The following PANK1 variants were observed in gnomAD, a reference collection of about 807,000 sequenced individuals.
The protein encoded by PANK1 is pantothenic acid kinase 1.
In PANK1, 18 loss-of-function variants were observed where a neutral mutation model predicts 40.1. The ratio of observed to expected loss-of-function variants is 0.45; its 90% CI spans 0.31 to 0.67. The LOEUF (loss-of-function observed/expected upper bound fraction) is 0.67. PANK1 is among the 30% of genes least tolerant of loss of function. The pLI, the probability that PANK1 is intolerant of heterozygous loss-of-function variation, is 0.06. For missense variants in PANK1, 457 were observed against 599.6 expected (o/e 0.76, Z 2.48); for synonymous variants, 242 against 237.7 (o/e 1.02, Z -0.17).
chr10:89,609,316 A>C (rs1034324177), intron 2 of PANK1, among the ~76,000 whole-genome samples: 9 of 152,184 alleles, frequency 5.9e-5, no homozygotes, highest in Non-Finnish European at 2.9e-5. Context: ...CACCCGCCTC[A>C]ACCTTCCAAA....
chr10:89,640,997 AATT>A (rs1297510988), intron 1 of PANK1, among the ~76,000 whole-genome samples: 1 of 152,190 alleles, frequency 6.6e-6, no homozygotes, highest in Non-Finnish European at 1.5e-5. Context: ...TTGGGCCTTA[AATT>A]ATTAATCATC....
At chr10:89,608,421 C>T (rs1845045001) in intron 2 of PANK1, among the ~76,000 whole-genome samples, 1 of 152,080 alleles carries the variant, frequency 6.6e-6, no homozygotes, top group African/African-American at 2.4e-5. Context: ...AAAGGAGGAA[C>T]AAAGTGCAGA....
chr10:89,584,197 A>C lies in PANK1; in HGVS notation c.*209T>G. The C allele has an allele frequency of 2.0e-6, 1 of 495,032 alleles. No individual in the cohort carries two copies. The highest frequency in any genetic ancestry group is 4.1e-5 in the South Asian group (1 of 24,340). The allele number at this position is 495,032 out of a possible 1,614,324, so 30.7% of individuals were successfully genotyped here. On this transcript the variant is annotated 3_prime_UTR_variant, in exon 7 of 7. Coordinates refer to ENST00000307534, the MANE Select transcript of PANK1 (RefSeq NM_148977.3). ...TTTAAAAAAATACAGTATACAGAAA[A>C]AAAACCTTTTATATTCCCCCGTTTT...
intron 2 of PANK1, among the ~76,000 whole-genome samples, chr10:89,609,850 A>G (rs1455115679): frequency 6.6e-6 from 1 of 152,248 alleles, no homozygotes; most frequent in Admixed American, 6.5e-5. Context: ...CATGGCCAAC[A>G]CATATTGAGT....
intron 1 of PANK1, among the ~76,000 whole-genome samples, chr10:89,623,678 G>C (rs1048622108): frequency 6.6e-6 from 1 of 152,146 alleles, no homozygotes; most frequent in Non-Finnish European, 1.5e-5. Flanking sequence ...CCTGCCCATA[G>C]AAAATAATAT....
intron 1 of PANK1, among the ~76,000 whole-genome samples, chr10:89,621,724 C>T (rs11185810): frequency 0.15 from 22,987 of 150,722 alleles, 2,154 homozygotes; most frequent in East Asian, 0.45. Flanking sequence ...TTTATTTTTA[C>T]TTTTAGGGGG....
chr10:89,620,046 A>G (rs936459341), intron 1 of PANK1, among the ~76,000 whole-genome samples: 3 of 151,372 alleles, frequency 2.0e-5, no homozygotes, highest in Non-Finnish European at 4.4e-5. Context: ...CACTTCCCCA[A>G]TCAATACTCT....
intron 2 of PANK1, among the ~76,000 whole-genome samples, chr10:89,609,968 A>G (rs1184188029): frequency 2.6e-5 from 4 of 152,284 alleles, no homozygotes; most frequent in African/African-American, 9.6e-5. Context: ...TCCAGTGGAA[A>G]TGGACAGATA....
intron 1 of PANK1, among the ~76,000 whole-genome samples, chr10:89,639,889 T>G (rs568253050): frequency 2.0e-4 from 31 of 152,338 alleles, no homozygotes; most frequent in Non-Finnish European, 2.8e-4. Context: ...CACTGTTACC[T>G]CCACAGACAC....
chr10:89,610,441 G>C (rs1845117601), intron 2 of PANK1, among the ~76,000 whole-genome samples: 2 of 148,320 alleles, frequency 1.3e-5, no homozygotes, highest in African/African-American at 2.5e-5. Flanking sequence ...CTCTACTGCT[G>C]GGTAATAGGA....
At chr10:89,624,131 A>G (rs1352307588) in intron 1 of PANK1, among the ~76,000 whole-genome samples, 3 of 152,316 alleles carry the variant, frequency 2.0e-5, no homozygotes, top group Non-Finnish European at 4.4e-5. Flanking sequence ...AACAGCAAGA[A>G]TTCCTTTCAG....
intron 1 of PANK1, chr10:89,625,579 C>T (rs1215722732): frequency 6.6e-6 from 1 of 152,142 alleles, no homozygotes; most frequent in Non-Finnish European, 1.5e-5. Flanking sequence ...GCTCTAGCAA[C>T]AGTACTCATG....
intron 1 of PANK1, among the ~76,000 whole-genome samples, chr10:89,637,870 C>A: frequency 6.6e-6 from 1 of 151,952 alleles, no homozygotes; most frequent in East Asian, 1.9e-4. Context: ...TATAGGTGTA[C>A]AAAAATATTT....
chr10:89,619,656 A>T (rs934992177), intron 1 of PANK1, among the ~76,000 whole-genome samples: 3 of 152,236 alleles, frequency 2.0e-5, no homozygotes, highest in Non-Finnish European at 4.4e-5. Context: ...GTGGGCATGG[A>T]TCTGACTCAG....
chr10:89,643,524 C>T (rs1380521359), intron 1 of PANK1, among the ~76,000 whole-genome samples: 1 of 152,168 alleles, frequency 6.6e-6, no homozygotes, highest in East Asian at 1.9e-4. Flanking sequence ...AAACCTTAAT[C>T]CAATACAGAA....
At chr10:89,599,534 C>G in intron 2 of PANK1, 29 bp from the exon 3 acceptor site, 2 of 1,597,068 alleles carry the variant, frequency 1.3e-6, no homozygotes, top group Non-Finnish European at 1.7e-6. Context: ...CAAAATAAAA[C>G]CTTGTGAGAT....
At chr10:89,620,247 A>C (rs377285641) in intron 1 of PANK1, among the ~76,000 whole-genome samples, 3 of 152,338 alleles carry the variant, frequency 2.0e-5, no homozygotes, top group African/African-American at 7.2e-5. Context: ...GGAACAAGGG[A>C]GATAACCGTA....
intron 2 of PANK1, among the ~76,000 whole-genome samples, chr10:89,610,996 AG>A (rs1845135440): frequency 6.6e-6 from 1 of 150,588 alleles, no homozygotes; most frequent in East Asian, 2.0e-4. Flanking sequence ...TAAAAAAAAA[AG>A]AGAGAAACAT....
chr10:89,625,382 G>A (rs1324582577), intron 1 of PANK1, among the ~76,000 whole-genome samples: 19 of 152,212 alleles, frequency 1.2e-4, no homozygotes, highest in Admixed American at 9.8e-4. Context: ...TTTATAACAT[G>A]AGTGTAATAG....
Sources: allele counts gnomAD v4.1 joint callset (sites outside exome capture counted in the v4.1 genomes callset), GRCh38; gene constraint gnomAD v4.1.1; transcripts MANE v1.5; gene names NCBI Gene and HGNC (gene_info 2026-07-23, HGNC 2026-07-21).